Variants in NEGR1 observed in about 807,000 individuals in gnomAD.
NEGR1 encodes the protein neuronal growth regulator 1.
A neutral mutation model predicts 40.9 loss-of-function variants in NEGR1; 10 were observed. The observed-to-expected ratio is 0.24, with a 90% CI of 0.15 to 0.42. NEGR1 has a LOEUF of 0.42. Among genes scored for constraint, NEGR1 ranks in the 10% least tolerant of loss-of-function variants. NEGR1 has a pLI of 1.00. For missense variants in NEGR1, 352 were observed against 438.9 expected (o/e 0.80, Z 1.77); for synonymous variants, 185 against 166.8 (o/e 1.11, Z -0.84).
At chr1:71,437,813 C>T (rs1307934428) in intron 6 of NEGR1, among the ~76,000 whole-genome samples, 5 of 152,142 alleles carry the variant, frequency 3.3e-5, no homozygotes, top group Non-Finnish European at 5.9e-5. Context: ...CAGCAGTGCT[C>T]ATGCTATATT....
intron 1 of NEGR1, among the ~76,000 whole-genome samples, chr1:72,072,449 A>G (rs753136859): frequency 6.6e-6 from 1 of 152,188 alleles, no homozygotes; most frequent in Non-Finnish European, 1.5e-5. Context: ...AAATCAACAC[A>G]ATATGCAATT....
intron 1 of NEGR1, among the ~76,000 whole-genome samples, chr1:72,151,371 T>G (rs941254198): frequency 2.0e-5 from 3 of 151,626 alleles, no homozygotes; most frequent in Non-Finnish European, 4.4e-5. Flanking sequence ...AGATATAATG[T>G]TTTTTGTTTT....
chr1:71,643,712 G>A (rs1230990291), intron 4 of NEGR1, among the ~76,000 whole-genome samples: 2 of 151,818 alleles, frequency 1.3e-5, no homozygotes, highest in African/African-American at 4.8e-5. Context: ...TCAAATTCAG[G>A]CTCTGAAATA....
At chr1:71,912,474 C>T (rs1661444885) in intron 2 of NEGR1, among the ~76,000 whole-genome samples, 1 of 152,170 alleles carries the variant, frequency 6.6e-6, no homozygotes, top group Admixed American at 6.5e-5. Context: ...CCCTTCACCA[C>T]AAAAGGTAGC....
At chr1:71,505,179 A>ACAGT (rs376250009) in intron 6 of NEGR1, among the ~76,000 whole-genome samples, 231 of 152,344 alleles carry the variant, frequency 1.5e-3, no homozygotes, top group African/African-American at 5.4e-3. Context: ...TCCGATTCTC[A>ACAGT]CAAAAAGCCT....
chr1:72,085,078 C>T (rs913099698), intron 1 of NEGR1, among the ~76,000 whole-genome samples: 2 of 152,104 alleles, frequency 1.3e-5, no homozygotes, highest in African/African-American at 4.8e-5. Flanking sequence ...GGTATCTTCC[C>T]GCTGATTGCC....
chr1:71,632,521 A>T (rs1374314536), intron 4 of NEGR1, among the ~76,000 whole-genome samples: 1 of 150,848 alleles, frequency 6.6e-6, no homozygotes, highest in Non-Finnish European at 1.5e-5. Context: ...TAATAAAATG[A>T]TTGCATAAAC....
intron 1 of NEGR1, among the ~76,000 whole-genome samples, chr1:72,234,599 C>G (rs1654488284): frequency 6.6e-6 from 1 of 151,842 alleles, no homozygotes; most frequent in African/African-American, 2.4e-5. Context: ...AACAAACAAC[C>G]CCACTAAAAA....
intron 1 of NEGR1, among the ~76,000 whole-genome samples, 168 bp downstream of exon 1, chr1:72,282,151 C>T (rs557449227): frequency 2.0e-5 from 3 of 152,288 alleles, no homozygotes; most frequent in African/African-American, 7.2e-5. Context: ...CCAGCATAAA[C>T]GGGCCGGGGC....
chr1:72,065,916 G>C (rs1647260774), intron 1 of NEGR1, among the ~76,000 whole-genome samples: 1 of 152,028 alleles, frequency 6.6e-6, no homozygotes, highest in Admixed American at 6.6e-5. Flanking sequence ...AAGCCAGGAA[G>C]AGATATAGCC....
rs375842380 is a variant in NEGR1 at position 71,769,018 on chromosome 1, G to C, written c.535+7154C>G. ...CCTCCCCAGAAGCAGAAGCTGTTAT[G>C]CCTTGCCTCCTGTACAGCCTACAGA... is the stretch of plus-strand genomic sequence containing the variant. On this transcript the variant is annotated intron_variant, in intron 3 of 6. Coordinates refer to ENST00000357731, the MANE Select transcript of NEGR1 (RefSeq NM_173808.3). 2.0e-5 allele frequency among the ~76,000 whole-genome samples: 3 copies of C among 151,602 alleles called. No individual in the cohort carries two copies. The East Asian group carries it at 5.8e-4, about 29-fold the overall frequency.
intron 3 of NEGR1, among the ~76,000 whole-genome samples, chr1:71,731,309 C>CCT (rs1654860057): frequency 6.6e-6 from 1 of 152,092 alleles, no homozygotes; most frequent in Admixed American, 6.6e-5. Context: ...CCAGAAGCCC[C>CCT]CTCTACTCAG....
intron 4 of NEGR1, among the ~76,000 whole-genome samples, chr1:71,675,270 A>C (rs941409954): frequency 2.7e-5 from 4 of 150,782 alleles, no homozygotes; most frequent in Admixed American, 2.0e-4. Context: ...GTCTGACACT[A>C]GACCTACTAC....
intron 6 of NEGR1, among the ~76,000 whole-genome samples, chr1:71,431,796 T>C (rs964025055): frequency 6.6e-6 from 1 of 152,210 alleles, no homozygotes; most frequent in Non-Finnish European, 1.5e-5. Context: ...GGGTAGGGTA[T>C]TCTTTTATGT....
At chr1:71,883,452 T>C (rs1660634665) in intron 2 of NEGR1, among the ~76,000 whole-genome samples, 2 of 152,284 alleles carry the variant, frequency 1.3e-5, no homozygotes, top group Admixed American at 1.3e-4. Flanking sequence ...CAAGAAGTTA[T>C]GTTACAGATA....
intron 2 of NEGR1, among the ~76,000 whole-genome samples, chr1:71,807,105 C>T (rs1657805399): frequency 6.6e-6 from 1 of 151,806 alleles, no homozygotes; most frequent in Non-Finnish European, 1.5e-5. Flanking sequence ...ACCGTGTTAG[C>T]CAGGATGGTC....
intron 1 of NEGR1, among the ~76,000 whole-genome samples, chr1:72,276,948 A>G (rs1235344826): frequency 6.6e-6 from 1 of 152,094 alleles, no homozygotes; most frequent in Non-Finnish European, 1.5e-5. Context: ...AGCCACTACT[A>G]CTCCTAGGTT....
chr1:71,877,418 G>A (rs1660464604), intron 2 of NEGR1, among the ~76,000 whole-genome samples: 2 of 152,056 alleles, frequency 1.3e-5, no homozygotes, highest in Non-Finnish European at 2.9e-5. Context: ...TTCTTCTGAG[G>A]GCTCCCTCCT....
chr1:71,755,608 A>C lies in NEGR1; in HGVS notation c.535+20564T>G, dbSNP rs12044605. 4.3e-3 allele frequency among the ~76,000 whole-genome samples: 662 copies of C among 152,294 alleles called. 35 individuals are homozygous for C. In the East Asian group the frequency reaches 0.11, roughly 26 times the overall value. On this transcript the variant is annotated intron_variant, in intron 3 of 6. Coordinates refer to ENST00000357731, the MANE Select transcript of NEGR1 (RefSeq NM_173808.3). ...CATGCCCACTGACTTCAGTCTTAGA[A>C]CAGAACAACTTTTGTCTTGCCTTCA...
Sources: gnomAD v4.1 joint callset for allele counts (sites outside exome capture counted in the v4.1 genomes callset) on GRCh38, gnomAD v4.1.1 for gene constraint, MANE v1.5 for transcripts, NCBI Gene and HGNC (gene_info 2026-07-23, HGNC 2026-07-21) for gene names.